The following KLHL29 variants were observed in gnomAD, a reference collection of about 807,000 sequenced individuals.
KLHL29 encodes kelch like family member 29.
In KLHL29, 21 loss-of-function variants were observed where a neutral mutation model predicts 80.4. The observed-to-expected ratio is 0.26, with a 90% CI of 0.19 to 0.38. KLHL29 has a LOEUF of 0.38. Among genes scored for constraint, KLHL29 ranks in the 10% least tolerant of loss-of-function variants. The pLI is 1.00. For synonymous variants in KLHL29, 511 were observed against 526.8 expected, an observed-to-expected ratio of 0.97 and a Z score of 0.41; for missense variants, 867 against 1,223.9, an observed-to-expected ratio of 0.71 and a Z score of 4.35.
In KLHL29 at chr2:23,684,482, G is replaced by T; in HGVS notation, c.1024G>T (p.Val342Phe). ...TGTTGTTGAAGGCAGAGAGTTTGAA[G>T]TCCACCAAAATGTTCTAGCTTCCTG... is the stretch of plus-strand genomic sequence containing the variant. ...KIVVEGREFE[V>F]HQNVLASCSL... The change falls in exon 6 of 14, where the codon GTC becomes TTC. Residue 342 changes from valine to phenylalanine, a missense_variant. Around this residue, in one of 2 missense-constraint regions of KLHL29, gnomAD observed 443 missense variants for 767.0 expected, o/e 0.58. Coordinates refer to ENST00000486442, the MANE Select transcript of KLHL29 (RefSeq NM_052920.2). This position sits in a 1 kb window ranked among gnomAD's most constrained non-coding sequence, Gnocchi z 4.4. 1 of 1,551,252 alleles carries T rather than the reference G, an allele frequency of 6.4e-7. No homozygotes were observed. The highest frequency in any genetic ancestry group is 8.7e-7 in the Non-Finnish European group (1 of 1,146,878).
chr2:23,399,420 T>C (rs1666533937), intron 1 of KLHL29, among the ~76,000 whole-genome samples: 1 of 152,200 alleles, frequency 6.6e-6, no homozygotes, highest in African/African-American at 2.4e-5. Flanking sequence ...AATAAAAAAA[T>C]AGATTTCCAA....
chr2:23,671,527 A>G (rs1164728894), intron 5 of KLHL29, among the ~76,000 whole-genome samples: 4 of 152,130 alleles, frequency 2.6e-5, no homozygotes, highest in Non-Finnish European at 5.9e-5. Flanking sequence ...CTCATCCCTT[A>G]TGGAGGAATA....
chr2:23,649,389 A>T (rs188435240), intron 5 of KLHL29, among the ~76,000 whole-genome samples: 1 of 152,198 alleles, frequency 6.6e-6, no homozygotes, highest in Non-Finnish European at 1.5e-5. Context: ...CTCTGTCCTC[A>T]TGGGGCTTGT....
chr2:23,703,947 A>G, intron 13 of KLHL29, 84 bp downstream of exon 13: 1 of 1,405,768 alleles, frequency 7.1e-7, no homozygotes, highest in Non-Finnish European at 9.5e-7. Context: ...TCCTGCCATC[A>G]GTGACCATAG....
In KLHL29 at chr2:23,693,430, G is replaced by T. The variant is rs374010012; in HGVS notation, c.1444G>T (p.Ala482Ser). Residue 482 changes from alanine to serine, a missense_variant, in exon 8 of 14, where the codon GCC (alanine) becomes TCC (serine). Physicochemically the swap from Ala to Ser is moderately conservative, Grantham distance 99 (BLOSUM62 1). Coordinates refer to ENST00000486442, the MANE Select transcript of KLHL29 (RefSeq NM_052920.2). ...ILSISKDDFI[A>S]YVSNDSLNTK... Reference sequence around the variant, plus strand: ...CAGCATCTCCAAGGACGACTTCATCGCCTACGTCTCCAACGACAGCCTCAA... The same window carrying T: ...CAGCATCTCCAAGGACGACTTCATCTCCTACGTCTCCAACGACAGCCTCAA... 4 of 1,551,716 alleles carry T rather than the reference G, an allele frequency of 2.6e-6. No homozygotes were observed. The highest frequency in any genetic ancestry group is 2.7e-5 in the African/African-American group (2 of 73,174).
intron 7 of KLHL29, among the ~76,000 whole-genome samples, chr2:23,692,616 G>C (rs1671691237): frequency 6.6e-6 from 1 of 152,190 alleles, no homozygotes; most frequent in Non-Finnish European, 1.5e-5. Context: ...GCGCACAGAT[G>C]GGCCTCCAGA....
chr2:23,632,312 A>C (rs148096159), intron 3 of KLHL29, among the ~76,000 whole-genome samples: 529 of 152,384 alleles, frequency 3.5e-3, no homozygotes, highest in African/African-American at 0.012. Flanking sequence ...TTAGAAAGTA[A>C]TTCCTTTCAA....
chr2:23,400,041 G>T (rs113524943), intron 1 of KLHL29, among the ~76,000 whole-genome samples: 88 of 152,326 alleles, frequency 5.8e-4, no homozygotes, highest in African/African-American at 1.9e-3. Flanking sequence ...GGAGTGTCCC[G>T]GCAGAGTGAG....
intron 2 of KLHL29, among the ~76,000 whole-genome samples, chr2:23,498,227 C>G (rs1665327715): frequency 7.2e-5 from 11 of 152,178 alleles, no homozygotes; most frequent in Admixed American, 7.2e-4. Flanking sequence ...TAGAACTCAT[C>G]ACCAGGAAAG....
intron 3 of KLHL29, among the ~76,000 whole-genome samples, chr2:23,581,828 CAAAA>C (rs58233449): frequency 1.2e-5 from 1 of 82,908 alleles, no homozygotes; most frequent in Non-Finnish European, 2.2e-5. Flanking sequence ...AACTCTGCCT[CAAAA>C]AAAAAAAAAA....
chr2:23,686,177 G>T (rs1406530057), intron 6 of KLHL29, among the ~76,000 whole-genome samples: 1 of 152,186 alleles, frequency 6.6e-6, no homozygotes, highest in Non-Finnish European at 1.5e-5. Flanking sequence ...CTCCAGAGGG[G>T]GCTGCACTGG....
intron 3 of KLHL29, among the ~76,000 whole-genome samples, chr2:23,631,281 G>A (rs1669462374): frequency 6.6e-6 from 1 of 152,118 alleles, no homozygotes; most frequent in African/African-American, 2.4e-5. Context: ...ATCATATTCT[G>A]TAATATGATT....
chr2:23,506,518 C>T (rs1208403915), intron 2 of KLHL29, among the ~76,000 whole-genome samples: 2 of 152,232 alleles, frequency 1.3e-5, no homozygotes, highest in Non-Finnish European at 2.9e-5. Context: ...ACTCCACCGC[C>T]TTGCCAGGGA....
At chr2:23,611,685 C>T (rs932792629) in intron 3 of KLHL29, among the ~76,000 whole-genome samples, 1 of 152,044 alleles carries the variant, frequency 6.6e-6, no homozygotes, top group Non-Finnish European at 1.5e-5. Flanking sequence ...TAGAAAGACC[C>T]ATAGGGGTTC....
At position 23,648,479 on chromosome 2, in the gene KLHL29, G is replaced by A. The variant is rs547101958; in HGVS notation, c.940+5629G>A. Among the ~76,000 whole-genome samples the A allele has an allele frequency of 7.2e-5, 11 of 152,102 alleles. No homozygotes were observed. The East Asian group carries it at 7.7e-4, about 11-fold the overall frequency. On this transcript the variant is annotated intron_variant, in intron 5 of 13. Transcript: ENST00000486442. ...ACACCTAGCTCCCAGGGCGTCCACC[G>A]TGAACAGAAGAAAATCCCCTTCTCC...
intron 3 of KLHL29, among the ~76,000 whole-genome samples, chr2:23,570,488 G>T (rs146851981): frequency 4.3e-4 from 65 of 152,256 alleles, no homozygotes; most frequent in Admixed American, 3.4e-3. Context: ...GCTCCCCAAG[G>T]CTCCAGTTAA....
At position 23,696,773 on chromosome 2, in the gene KLHL29, T is replaced by G; in HGVS notation, c.2105+260T>G. 2.6e-6 allele frequency: 1 copy of G among 383,222 alleles called. No individual in the cohort carries two copies. Among genetic ancestry groups the G allele is most frequent in the Non-Finnish European group, 4.7e-6 (1 of 214,106 alleles). 23.7% of individuals were successfully genotyped at this position (383,222 alleles called of 1,614,324 possible). A position where few individuals can be genotyped will look rare whatever the true frequency, so the allele number is the denominator to read the frequency against. Reference sequence around the variant, plus strand: ...GGCGCTTCTGTCCCGACAACCCATTTAGGTGTCAGACAAGCTGGAGGCCCA... The same window carrying G: ...GGCGCTTCTGTCCCGACAACCCATTGAGGTGTCAGACAAGCTGGAGGCCCA... On this transcript the variant is annotated intron_variant, in intron 11 of 13. Coordinates refer to ENST00000486442, the MANE Select transcript of KLHL29 (RefSeq NM_052920.2). The surrounding 1 kb of genome is among the most constrained non-coding windows in gnomAD (Gnocchi z 5.5).
chr2:23,499,153 T>G (rs1208156011), intron 2 of KLHL29, among the ~76,000 whole-genome samples: 1 of 152,184 alleles, frequency 6.6e-6, no homozygotes, highest in Non-Finnish European at 1.5e-5. Flanking sequence ...TTATTATTTT[T>G]GGATTTTTTG....
chr2:23,435,887 C>G (rs1341918589), intron 1 of KLHL29, among the ~76,000 whole-genome samples: 4 of 148,614 alleles, frequency 2.7e-5, no homozygotes, highest in African/African-American at 1.0e-4. Flanking sequence ...TTCTTTCTTT[C>G]TCTCTCTCTC....
Sources: allele counts gnomAD v4.1 joint callset (sites outside exome capture counted in the v4.1 genomes callset), GRCh38; gene constraint gnomAD v4.1.1; regional missense constraint gnomAD v4.1.1; non-coding constraint Gnocchi (gnomAD v3.1); transcripts MANE v1.5; gene names NCBI Gene and HGNC (gene_info 2026-07-23, HGNC 2026-07-21).